Variants in ARHGEF10 observed in about 807,000 individuals in gnomAD.
The protein encoded by ARHGEF10 is Rho guanine nucleotide exchange factor (GEF) 10.
A neutral mutation model predicts 147.4 loss-of-function variants in ARHGEF10; 140 were observed. That is an observed-to-expected ratio of 0.95 (90% CI 0.83 to 1.09). The LOEUF is 1.09. ARHGEF10 is among the 50% of genes least tolerant of loss of function. ARHGEF10 has a pLI of 0.00. For missense variants in ARHGEF10, 2,222 were observed against 1,752.7 expected (o/e 1.27, Z -4.78); for synonymous variants, 902 against 695.8 (o/e 1.30, Z -4.67).
intron 27 of ARHGEF10, among the ~76,000 whole-genome samples, chr8:1,947,334 C>T (rs1420658910): frequency 2.0e-5 from 3 of 152,128 alleles, no homozygotes; most frequent in Admixed American, 6.5e-5. Context: ...CCCTCCGGGG[C>T]GAAGCAGCCC....
At position 1,831,132 on chromosome 8, in the gene ARHGEF10, C is replaced by T. The variant is rs180717749; in HGVS notation, c.-48+7019C>T. Among the ~76,000 whole-genome samples, 776 of 152,352 alleles carry T rather than the reference C, an allele frequency of 5.1e-3. 7 individuals carry two copies. Among genetic ancestry groups the T allele is most frequent in the South Asian group, 0.011 (52 of 4,828 alleles). The stretch of plus-strand genomic sequence containing the variant: ...GCCACGGGCCAGACCCATGGAGGGA[C>T]AGTGTGGGAGAGCCACGGAGGGGCC... On this transcript the variant is annotated intron_variant, in intron 1 of 28. Coordinates refer to ENST00000349830, the MANE Select transcript of ARHGEF10 (RefSeq NM_014629.4).
intron 18 of ARHGEF10, among the ~76,000 whole-genome samples, chr8:1,916,527 A>G (rs769546216): frequency 2.0e-5 from 3 of 152,178 alleles, no homozygotes; most frequent in African/African-American, 4.8e-5. Context: ...TTCTCTGTTC[A>G]GTGCTGTGGT....
intron 25 of ARHGEF10, among the ~76,000 whole-genome samples, 161 bp from the exon 26 acceptor site, chr8:1,933,639 G>A (rs1813331278): frequency 6.6e-6 from 1 of 152,182 alleles, no homozygotes; most frequent in Admixed American, 6.5e-5. Flanking sequence ...TGGGGTGGGT[G>A]TCAGCTTGTC....
intron 2 of ARHGEF10, among the ~76,000 whole-genome samples, chr8:1,845,131 C>A (rs1166315069): frequency 6.6e-6 from 1 of 152,104 alleles, no homozygotes; most frequent in Admixed American, 6.6e-5. Flanking sequence ...GGGACTGAGA[C>A]CCTGTCTAAA....
chr8:1,864,800 C>G (rs1806445670), intron 5 of ARHGEF10, among the ~76,000 whole-genome samples: 1 of 152,142 alleles, frequency 6.6e-6, no homozygotes, highest in Admixed American at 6.5e-5. Context: ...GGTGGGGTAT[C>G]TGGGGAGCAG....
intron 18 of ARHGEF10, among the ~76,000 whole-genome samples, chr8:1,918,538 A>T (rs369881441): frequency 4.5e-4 from 68 of 151,008 alleles, no homozygotes; most frequent in African/African-American, 1.6e-3. Flanking sequence ...TTAGTTGACA[A>T]ATAATCATAT....
At chr8:1,869,593 G>C in intron 7 of ARHGEF10, 1 of 415,324 alleles carries the variant, frequency 2.4e-6, no homozygotes, top group Non-Finnish European at 4.5e-6. Context: ...AGAGAATCAG[G>C]CAAAGGTAAT....
At chr8:1,929,491 G>A (rs374509656) in intron 25 of ARHGEF10, 48 bp downstream of exon 25, 2 of 1,559,940 alleles carry the variant, frequency 1.3e-6, no homozygotes, top group African/African-American at 1.4e-5. Context: ...GGTTCACTCA[G>A]GGGACTGTGC....
upstream of ARHGEF10, among the ~76,000 whole-genome samples, chr8:1,823,539 T>A (rs1802529386): frequency 6.6e-6 from 1 of 151,584 alleles, no homozygotes; most frequent in African/African-American, 2.4e-5. Flanking sequence ...GGGAGAGGGT[T>A]AGGGTCTGCC....
intron 16 of ARHGEF10, 35 bp downstream of exon 16, chr8:1,903,486 T>C (rs1810644830): frequency 1.2e-6 from 2 of 1,611,480 alleles, no homozygotes; most frequent in South Asian, 2.2e-5. Flanking sequence ...TATTCCAAAA[T>C]TATTTTTGCT....
At chr8:1,954,336 C>T (rs573305157) in intron 28 of ARHGEF10, among the ~76,000 whole-genome samples, 15 of 152,234 alleles carry the variant, frequency 9.9e-5, no homozygotes, top group Middle Eastern at 3.4e-3. Flanking sequence ...TCAAGTGATT[C>T]GCCTGCCTTG....
chr8:1,926,773 C>G, intron 23 of ARHGEF10: 2 of 394,190 alleles, frequency 5.1e-6, no homozygotes, highest in South Asian at 2.6e-5. Context: ...TTGGTGTCAA[C>G]ATTGCATGGA....
chr8:1,919,063 G>C (rs970729836), intron 18 of ARHGEF10, among the ~76,000 whole-genome samples: 1 of 148,986 alleles, frequency 6.7e-6, no homozygotes, highest in African/African-American at 2.5e-5. Flanking sequence ...GTTCTGTAGA[G>C]TGATAGAGCT....
At position 1,845,717 on chromosome 8, in the gene ARHGEF10, A is replaced by G. The variant is rs1407924816; in HGVS notation, c.37+2281A>G. Reference sequence around the variant, plus strand: ...CCTGGCACCCTGAGGAGCTCTGCCCAGCGGTACCACCACCTGGATTGCATG... The same window carrying G: ...CCTGGCACCCTGAGGAGCTCTGCCCGGCGGTACCACCACCTGGATTGCATG... On this transcript the variant is annotated intron_variant, in intron 2 of 28. Transcript: ENST00000349830. 2.6e-5 allele frequency among the ~76,000 whole-genome samples: 4 copies of G among 152,202 alleles called. No homozygotes were observed. In the East Asian group the frequency reaches 7.7e-4, roughly 29 times the overall value.
At chr8:1,860,349 C>G (rs13277388) in intron 4 of ARHGEF10, among the ~76,000 whole-genome samples, 165 bp downstream of exon 4, 3,934 of 69,920 alleles carry the variant, frequency 0.056, 2 homozygotes, top group East Asian at 0.098. Context: ...TCCATGCCCC[C>G]GATGTGGCCT....
intron 7 of ARHGEF10, among the ~76,000 whole-genome samples, chr8:1,874,927 T>G (rs375106103): frequency 6.9e-5 from 1 of 14,436 alleles, no homozygotes; most frequent in African/African-American, 2.7e-4. Context: ...TCTAAGACAG[T>G]CTGGTGGGAG....
intron 11 of ARHGEF10, among the ~76,000 whole-genome samples, chr8:1,890,715 T>A (rs537975611): frequency 3.3e-5 from 5 of 151,988 alleles, no homozygotes; most frequent in African/African-American, 1.2e-4. Flanking sequence ...GTCCGTGGGG[T>A]GTCACTGGGT....
intron 1 of ARHGEF10, chr8:1,826,193 G>A: frequency 2.0e-6 from 3 of 1,468,744 alleles, no homozygotes; most frequent in Non-Finnish European, 2.8e-6. Context: ...TAGACAGTTG[G>A]GGGTGAAGTG....
intron 6 of ARHGEF10, among the ~76,000 whole-genome samples, chr8:1,867,121 G>C (rs2129089146): frequency 1.4e-5 from 2 of 141,620 alleles, no homozygotes; most frequent in South Asian, 2.3e-4. Flanking sequence ...TAAATGTTTT[G>C]TTAATTTACC....
Sources: allele counts gnomAD v4.1 joint callset (sites outside exome capture counted in the v4.1 genomes callset), GRCh38; gene constraint gnomAD v4.1.1; transcripts MANE v1.5; gene names NCBI Gene and HGNC (gene_info 2026-07-23, HGNC 2026-07-21).